GRIK1: variants seen among roughly 807,000 people sequenced by gnomAD.
GRIK1 encodes the protein glutamate ionotropic receptor kainate type subunit 1.
GRIK1 carries 69 observed loss-of-function variants against 105.7 expected under a neutral mutation model. That is an observed-to-expected ratio of 0.65 (90% confidence interval 0.54 to 0.80). The LOEUF is 0.80. Among genes scored for constraint, GRIK1 ranks in the 30% least tolerant of loss-of-function variants. GRIK1 has a pLI of 0.00. For synonymous variants in GRIK1, 438 were observed against 431.3 expected (o/e 1.02, Z -0.19); for missense variants, 1,109 against 1,167.3 (o/e 0.95, Z 0.73).
At chr21:29,827,975 A>ATCTCTCTC (rs71335097) in intron 1 of GRIK1, among the ~76,000 whole-genome samples, 99 of 113,580 alleles carry the variant, frequency 8.7e-4, no homozygotes, top group Admixed American at 3.5e-3. Flanking sequence ...TATAGTTAGG[A>ATCTCTCTC]TCTCTCTCTC....
At chr21:29,538,230 A>C (rs1316803341) in intron 16 of GRIK1, among the ~76,000 whole-genome samples, 1 of 152,192 alleles carries the variant, frequency 6.6e-6, no homozygotes, top group African/African-American at 2.4e-5. Flanking sequence ...AATTTCTATA[A>C]TGTCCTGGTT....
chr21:29,851,948 C>T (rs1437274214), intron 1 of GRIK1, among the ~76,000 whole-genome samples: 4 of 152,146 alleles, frequency 2.6e-5, no homozygotes, highest in Non-Finnish European at 5.9e-5. Flanking sequence ...ACTACCATTC[C>T]GTTCACTTAC....
At chr21:29,573,402 C>T (rs1287757152) in intron 14 of GRIK1, among the ~76,000 whole-genome samples, 1 of 152,172 alleles carries the variant, frequency 6.6e-6, no homozygotes, top group Non-Finnish European at 1.5e-5. Flanking sequence ...GGAGAACCCG[C>T]TCTTTTTATA....
chr21:29,564,791 G>A (rs2090574540), intron 14 of GRIK1, among the ~76,000 whole-genome samples: 1 of 152,174 alleles, frequency 6.6e-6, no homozygotes, highest in Non-Finnish European at 1.5e-5. Flanking sequence ...GGGTAAGAGA[G>A]GTCATGAGTT....
chr21:29,746,559 C>T (rs1191732387), intron 1 of GRIK1, among the ~76,000 whole-genome samples: 5 of 152,160 alleles, frequency 3.3e-5, no homozygotes, highest in South Asian at 2.1e-4. Flanking sequence ...TGATATCATT[C>T]CGGCTAATTC....
rs1491012288 is a variant in GRIK1 at position 29,913,693 on chromosome 21, A to ATATG, written c.118+25689_118+25690insCATA. Among the ~76,000 whole-genome samples, 8 of 147,214 alleles carry ATATG rather than the reference A, an allele frequency of 5.4e-5. No individual in the cohort carries two copies. The South Asian group carries it at 1.7e-3, about 32-fold the overall frequency. ...ACTAAATATATATATATATATATAT[A>ATATG]TTTGTAGATTTGTATGTAGAATTGC... On this transcript the variant is annotated intron_variant, in intron 1 of 17. Transcript: ENST00000327783.
At chr21:29,784,858 A>G (rs534877421) in intron 1 of GRIK1, among the ~76,000 whole-genome samples, 1 of 152,330 alleles carries the variant, frequency 6.6e-6, no homozygotes, top group East Asian at 1.9e-4. Context: ...AAATAAATAC[A>G]CTTATAAATC....
At chr21:29,893,087 T>C (rs1261011767) in intron 1 of GRIK1, among the ~76,000 whole-genome samples, 2 of 152,220 alleles carry the variant, frequency 1.3e-5, no homozygotes, top group Admixed American at 6.5e-5. Context: ...ATAATACAGT[T>C]GTTGAAATTG....
intron 8 of GRIK1, among the ~76,000 whole-genome samples, chr21:29,598,617 C>A (rs1349293344): frequency 6.6e-6 from 1 of 152,126 alleles, no homozygotes; most frequent in African/African-American, 2.4e-5. Flanking sequence ...AATAGAAACA[C>A]TAGTTAGTAC....
chr21:29,605,379 C>A (rs980098457), intron 7 of GRIK1, among the ~76,000 whole-genome samples: 4 of 152,172 alleles, frequency 2.6e-5, no homozygotes, highest in African/African-American at 9.7e-5. Context: ...ATCCATGTCC[C>A]TGCAAAGGAC....
intron 1 of GRIK1, among the ~76,000 whole-genome samples, chr21:29,857,197 A>C (rs187442998): frequency 6.2e-4 from 94 of 152,354 alleles, no homozygotes; most frequent in Non-Finnish European, 1.1e-3. Flanking sequence ...GGTCAATGCG[A>C]AAGCTATCAT....
intron 14 of GRIK1, among the ~76,000 whole-genome samples, chr21:29,562,924 TTAAA>T (rs2090518071): frequency 6.8e-6 from 1 of 146,876 alleles, no homozygotes; most frequent in Admixed American, 7.0e-5. Context: ...TTCATATTAC[TTAAA>T]TATGAATTTT....
intron 13 of GRIK1, among the ~76,000 whole-genome samples, chr21:29,580,045 G>GTA (rs111630742): frequency 0.051 from 7,202 of 141,854 alleles, 297 homozygotes; most frequent in African/African-American, 0.11. Flanking sequence ...GTGTATATAT[G>GTA]TATATATGTA....
At chr21:29,927,987 A>T (rs946778387) in intron 1 of GRIK1, among the ~76,000 whole-genome samples, 2 of 152,264 alleles carry the variant, frequency 1.3e-5, no homozygotes, top group South Asian at 4.1e-4. Context: ...AGAGACAGAG[A>T]CACTAGTCCT....
rs537855761 is a variant in GRIK1 at position 29,740,587 on chromosome 21, G to A, written c.119-46524C>T. Reference sequence around the variant, plus strand: ...AAATCTTGTTCAGAGAAATAAGGAGGTGGGAATGGAGAGACTTCTGCCAGA... The same window carrying A: ...AAATCTTGTTCAGAGAAATAAGGAGATGGGAATGGAGAGACTTCTGCCAGA... On this transcript the variant is annotated intron_variant, in intron 1 of 17. Transcript: ENST00000327783. Among the ~76,000 whole-genome samples the A allele has an allele frequency of 1.4e-4, 21 of 152,298 alleles. No individual in the cohort carries two copies. In the South Asian group the frequency reaches 1.7e-3, roughly 12 times the overall value.
At chr21:29,848,132 G>A (rs2068184721) in intron 1 of GRIK1, among the ~76,000 whole-genome samples, 1 of 151,956 alleles carries the variant, frequency 6.6e-6, no homozygotes, top group South Asian at 2.1e-4. Flanking sequence ...CTTTGCCTTG[G>A]CAACGACTTT....
At chr21:29,889,769 G>T (rs2069823368) in intron 1 of GRIK1, among the ~76,000 whole-genome samples, 1 of 151,930 alleles carries the variant, frequency 6.6e-6, no homozygotes, top group Non-Finnish European at 1.5e-5. Context: ...GAGCAAATAA[G>T]TGAGTTAAAG....
intron 2 of GRIK1, among the ~76,000 whole-genome samples, chr21:29,690,932 T>C (rs2063573210): frequency 6.6e-6 from 1 of 152,226 alleles, no homozygotes; most frequent in Admixed American, 6.5e-5. Flanking sequence ...GCATGTCTTT[T>C]TTTCAAGTCC....
rs73897673 is a variant in GRIK1, at chr21:29,542,651, A to G, written c.2608-4767T>C. 4.3e-3 allele frequency among the ~76,000 whole-genome samples: 654 copies of G among 152,354 alleles called. 2 individuals are homozygous for G. Among genetic ancestry groups the G allele is most frequent in the African/African-American group, 0.015 (608 of 41,590 alleles). On this transcript the variant is annotated intron_variant, in intron 16 of 17. Coordinates refer to ENST00000327783, the MANE Select transcript of GRIK1 (RefSeq NM_001330994.2). ...ACATCAGATTGTGAATGTCAGATTG[A>G]TTTCTCATTGTAGATTTAGCATTTA...
Sources: gnomAD v4.1 joint callset for allele counts (sites outside exome capture counted in the v4.1 genomes callset) on GRCh38, gnomAD v4.1.1 for gene constraint, MANE v1.5 for transcripts, NCBI Gene and HGNC (gene_info 2026-07-23, HGNC 2026-07-21) for gene names.